The following FMNL2 variants were observed in gnomAD, a reference collection of about 807,000 sequenced individuals.
FMNL2 encodes formin-like protein 2.
FMNL2 carries 51 observed loss-of-function variants against 130.2 expected under a neutral mutation model. The observed-to-expected ratio is 0.39, with a 90% CI of 0.31 to 0.49. The LOEUF (loss-of-function observed/expected upper bound fraction) is 0.49. Among genes scored for constraint, FMNL2 ranks in the 20% least tolerant of loss-of-function variants. FMNL2 has a pLI of 0.85. For missense variants in FMNL2, 977 were observed against 1,316.2 expected, an observed-to-expected ratio of 0.74 and a Z score of 3.99; for synonymous variants, 465 against 467.1, an observed-to-expected ratio of 1.00 and a Z score of 0.06.
intron 25 of FMNL2, among the ~76,000 whole-genome samples, chr2:152,646,054 C>G (rs765329868): frequency 6.6e-6 from 1 of 151,718 alleles, no homozygotes; most frequent in Non-Finnish European, 1.5e-5. Flanking sequence ...GGCATAGTGG[C>G]TCACACCTGT....
At chr2:152,497,823 A>G (rs1431562114) in intron 1 of FMNL2, among the ~76,000 whole-genome samples, 1 of 152,148 alleles carries the variant, frequency 6.6e-6, no homozygotes, top group Non-Finnish European at 1.5e-5. Context: ...CAGACTCACC[A>G]GGCTGAAATT....
At chr2:152,508,577 G>C (rs1692311467) in intron 1 of FMNL2, among the ~76,000 whole-genome samples, 1 of 152,238 alleles carries the variant, frequency 6.6e-6, no homozygotes, top group Admixed American at 6.5e-5. Context: ...TCTCTTGAGT[G>C]ATGGGGGCGG....
chr2:152,376,208 T>C (rs919699583), intron 1 of FMNL2, among the ~76,000 whole-genome samples: 1 of 152,210 alleles, frequency 6.6e-6, no homozygotes, highest in African/African-American at 2.4e-5. Flanking sequence ...ATAATTGATT[T>C]TTAGTAAATT....
chr2:152,440,889 T>C (rs1329390554), intron 1 of FMNL2, among the ~76,000 whole-genome samples: 1 of 152,214 alleles, frequency 6.6e-6, no homozygotes, highest in African/African-American at 2.4e-5. Context: ...TATGACTAAA[T>C]CTTGCCAGCC....
At chr2:152,420,881 A>C (rs1188040192) in intron 1 of FMNL2, among the ~76,000 whole-genome samples, 1 of 152,184 alleles carries the variant, frequency 6.6e-6, no homozygotes, top group Non-Finnish European at 1.5e-5. Flanking sequence ...GCATCATGAA[A>C]TTGAGCACAG....
At chr2:152,467,871 CATTT>C (rs1284355625) in intron 1 of FMNL2, among the ~76,000 whole-genome samples, 1 of 152,208 alleles carries the variant, frequency 6.6e-6, no homozygotes, top group East Asian at 1.9e-4. Context: ...TGTTTTAGCT[CATTT>C]AATTGTCAAA....
chr2:152,521,888 T>C, intron 1 of FMNL2, 55 bp from the exon 2 acceptor site: 1 of 1,425,402 alleles, frequency 7.0e-7, no homozygotes, highest in Admixed American at 1.7e-5. Flanking sequence ...AGTTACCAAT[T>C]TGGAAGCCTG....
intron 6 of FMNL2, among the ~76,000 whole-genome samples, chr2:152,565,635 C>T (rs1579975780): frequency 6.6e-6 from 1 of 152,114 alleles, no homozygotes; most frequent in African/African-American, 2.4e-5. Context: ...TTTACATATT[C>T]CCATTGCAAC....
intron 1 of FMNL2, among the ~76,000 whole-genome samples, chr2:152,406,774 C>T (rs961501547): frequency 3.9e-5 from 6 of 152,142 alleles, no homozygotes; most frequent in South Asian, 4.1e-4. Flanking sequence ...AAGTCTAAGA[C>T]GTTTCATTTA....
chr2:152,423,208 A>T (rs1397928393), intron 1 of FMNL2, among the ~76,000 whole-genome samples: 1 of 152,208 alleles, frequency 6.6e-6, no homozygotes, highest in Non-Finnish European at 1.5e-5. Flanking sequence ...TTTAATTTTA[A>T]TCAAACAATA....
intron 6 of FMNL2, among the ~76,000 whole-genome samples, chr2:152,561,638 A>G (rs1434171480): frequency 1.3e-5 from 2 of 151,568 alleles, no homozygotes; most frequent in African/African-American, 2.4e-5. Context: ...CAGTGGCACA[A>G]TCTTGGCTCA....
intron 1 of FMNL2, among the ~76,000 whole-genome samples, chr2:152,471,724 CG>C (rs1336084391): frequency 1.3e-5 from 2 of 151,878 alleles, no homozygotes; most frequent in Non-Finnish European, 2.9e-5. Context: ...GTTACGAGTT[CG>C]TTTGAGGTTC....
At chr2:152,643,714 C>A in intron 25 of FMNL2, 1 of 985,452 alleles carries the variant, frequency 1.0e-6, no homozygotes, top group Non-Finnish European at 1.2e-6. Context: ...ACTTTCAATA[C>A]ATGTATGTAT....
At position 152,495,653 on chromosome 2, in the gene FMNL2, CA is replaced by C. The variant is rs55989531; in HGVS notation, c.118-26276del. 8.7e-4 allele frequency among the ~76,000 whole-genome samples: 42 copies of C among 48,548 alleles called. 1 individual carries two copies. The highest frequency in any genetic ancestry group is 0.025 in the Middle Eastern group (1 of 40). 31.8% of individuals were successfully genotyped at this position (48,548 alleles called of 152,430 possible). A position where few individuals can be genotyped will look rare whatever the true frequency, so the allele number is the denominator to read the frequency against. On this transcript the variant is annotated intron_variant, in intron 1 of 25. Coordinates refer to ENST00000288670, the MANE Select transcript of FMNL2 (RefSeq NM_052905.4). ...GTGACAGAGTGAGACTCCGTCTCACCAAAAAAAAAAAAAAGATTTTTTTCAT... is the reference window on the plus strand; with the variant it reads ...GTGACAGAGTGAGACTCCGTCTCACCAAAAAAAAAAAAAGATTTTTTTCAT...
rs1367416645 is a variant in FMNL2 at position 152,493,565 on chromosome 2, G to A, written c.118-28378G>A. On this transcript the variant is annotated intron_variant, in intron 1 of 25. Transcript: ENST00000288670. ...GGGTGGATCCTTCATGAATGGCTTG[G>A]TGTCCTAATGAGTCTTCCTGGTGTT... is the stretch of plus-strand genomic sequence containing the variant. 2.6e-5 allele frequency among the ~76,000 whole-genome samples: 4 copies of A among 152,178 alleles called. No individual in the cohort carries two copies. In the East Asian group the frequency reaches 7.7e-4, roughly 29 times the overall value.
Position 152,599,405 on chromosome 2 carries a change from C to CTTTTTTTT in FMNL2, c.877-7909_877-7902dup, listed in dbSNP as rs35753197. Among the ~76,000 whole-genome samples the CTTTTTTTT allele has an allele frequency of 1.2e-3, 55 of 45,088 alleles. 11 individuals are homozygous for CTTTTTTTT. Among genetic ancestry groups the CTTTTTTTT allele is most frequent in the African/African-American group, 2.6e-3 (34 of 12,932 alleles). The allele number at this position is 45,088 out of a possible 152,430, so 29.6% of individuals were successfully genotyped here. A position where few individuals can be genotyped will look rare whatever the true frequency, so the allele number is the denominator to read the frequency against. Reference sequence around the variant, plus strand: ...CTCTCTAGAATTTATTGAAGGTCATCTTTTTTTTTTTTTTTTTTTTTTTTT... The same window carrying CTTTTTTTT: ...CTCTCTAGAATTTATTGAAGGTCATCTTTTTTTTTTTTTTTTTTTTTTTTTTTTTTTTT... On this transcript the variant is annotated intron_variant, in intron 9 of 25. Coordinates refer to ENST00000288670, the MANE Select transcript of FMNL2 (RefSeq NM_052905.4).
intron 1 of FMNL2, among the ~76,000 whole-genome samples, chr2:152,345,104 T>A (rs567162414): frequency 6.6e-6 from 1 of 152,228 alleles, no homozygotes; most frequent in African/African-American, 2.4e-5. Context: ...TAGTAGCAAT[T>A]ATTGTTTCAT....
chr2:152,352,088 T>C (rs906750921), intron 1 of FMNL2, among the ~76,000 whole-genome samples: 2 of 152,174 alleles, frequency 1.3e-5, no homozygotes, highest in African/African-American at 4.8e-5. Flanking sequence ...GACTGGAGGA[T>C]GGGTGGGAAT....
At chr2:152,405,649 C>T (rs1685941872) in intron 1 of FMNL2, among the ~76,000 whole-genome samples, 1 of 152,118 alleles carries the variant, frequency 6.6e-6, no homozygotes, top group South Asian at 2.1e-4. Context: ...CCCTAGAGAC[C>T]AACTGGTCCA....
Sources: gnomAD v4.1 joint callset for allele counts (sites outside exome capture counted in the v4.1 genomes callset) on GRCh38, gnomAD v4.1.1 for gene constraint, MANE v1.5 for transcripts, NCBI Gene and HGNC (gene_info 2026-07-23, HGNC 2026-07-21) for gene names.